The following RERE variants were observed in gnomAD, a reference collection of about 807,000 sequenced individuals.
The protein encoded by RERE is arginine-glutamic acid dipeptide repeats.
RERE carries 40 observed loss-of-function variants against 146.1 expected under a neutral mutation model. The observed-to-expected ratio is 0.27, with a 90% CI of 0.21 to 0.36. The LOEUF is 0.36. RERE is among the 10% of genes least tolerant of loss of function. The pLI is 1.00. For synonymous variants in RERE, 1,003 were observed against 866.0 expected (o/e 1.16, Z -2.78); for missense variants, 1,933 against 2,138.7 (o/e 0.90, Z 1.90).
intron 1 of RERE, among the ~76,000 whole-genome samples, chr1:8,806,403 C>A (rs1157036573): frequency 6.6e-6 from 1 of 151,862 alleles, no homozygotes; most frequent in South Asian, 2.1e-4. Context: ...TGGTGGTGAT[C>A]GCCTGTAACC....
chr1:8,672,258 C>CCT (rs1287835560), intron 1 of RERE, among the ~76,000 whole-genome samples: 1 of 152,068 alleles, frequency 6.6e-6, no homozygotes, highest in Admixed American at 6.6e-5. Context: ...ACTGCAGCCT[C>CCT]CATGTCCTAG....
chr1:8,529,176 TC>T (rs1645606914), intron 7 of RERE, among the ~76,000 whole-genome samples: 21 of 152,102 alleles, frequency 1.4e-4, no homozygotes, highest in Admixed American at 1.4e-3. Context: ...TGTACTAGTC[TC>T]ATAACTCCTC....
rs796853947 is a variant in RERE, at chr1:8,506,061, G to GA, written c.879+2565dup. On this transcript the variant is annotated intron_variant, in intron 8 of 22. Coordinates refer to ENST00000400908, the MANE Select transcript of RERE (RefSeq NM_001042681.2). ...GGAACTACATTTTCTTTTATGGTAGGAAAAAAAAAATCTATAAAATAAAAG... is the reference window on the plus strand; with the variant it reads ...GGAACTACATTTTCTTTTATGGTAGGAAAAAAAAAAATCTATAAAATAAAAG... 1.4e-3 allele frequency among the ~76,000 whole-genome samples: 210 copies of GA among 148,210 alleles called. 1 individual carries two copies. Among genetic ancestry groups the GA allele is most frequent in the African/African-American group, 2.7e-3 (110 of 40,368 alleles).
rs1353546522 is a variant in RERE at position 8,361,768 on chromosome 1, T to C, written c.2011A>G (p.Thr671Ala). ...ADRTSSKKTK[T>A]QEISRPNSPS... ...GGCTCAGCAGCAAACCTCACCTGCG[T>C]TTTTGTCTTCTTGGAGCTGGTCCTG... The change falls in exon 17 of 23, where the codon ACG becomes GCG. Residue 671 changes from threonine (T) to alanine (A), a missense_variant. By Grantham distance (58) the Thr-to-Ala change is moderately conservative. This residue lies in a region of RERE where 1,255 missense variants were observed against 1,153.8 expected (regional missense o/e 1.09). Coordinates refer to ENST00000400908, the MANE Select transcript of RERE (RefSeq NM_001042681.2). The C allele has an allele frequency of 6.2e-7, 1 of 1,612,302 alleles. No homozygotes were observed. Among genetic ancestry groups the C allele is most frequent in the Non-Finnish European group, 8.5e-7 (1 of 1,178,598 alleles).
intron 1 of RERE, among the ~76,000 whole-genome samples, chr1:8,664,518 A>G (rs1018555057): frequency 3.3e-5 from 5 of 152,066 alleles, no homozygotes; most frequent in African/African-American, 1.2e-4. Flanking sequence ...CTCTTCTTGG[A>G]TATCTCAAAG....
chr1:8,612,133 C>T (rs1342721314), intron 4 of RERE, among the ~76,000 whole-genome samples: 2 of 152,178 alleles, frequency 1.3e-5, no homozygotes, highest in East Asian at 1.9e-4. Flanking sequence ...AATTATGATG[C>T]AATCAATGCT....
rs551837321 is a variant in RERE, at chr1:8,747,346, A to G, written c.-145+69814T>C. Among the ~76,000 whole-genome samples the G allele has an allele frequency of 5.9e-5, 9 of 152,220 alleles. No individual in the cohort carries two copies. The East Asian group carries it at 1.5e-3, about 26-fold the overall frequency. ...ATCCTTAGGCTTGCTGTGTTGTGAA[A>G]ACAAATGGCATGGGGGTGGGCATGG... On this transcript the variant is annotated intron_variant, in intron 1 of 22. Transcript: ENST00000400908.
At chr1:8,744,955 CA>C (rs1557517168) in intron 1 of RERE, among the ~76,000 whole-genome samples, 1 of 152,146 alleles carries the variant, frequency 6.6e-6, no homozygotes, top group East Asian at 1.9e-4. Flanking sequence ...GCTGTAGATG[CA>C]GTTTATCCTA....
At chr1:8,450,231 C>G (rs1376087116) in intron 11 of RERE, among the ~76,000 whole-genome samples, 8 of 152,098 alleles carry the variant, frequency 5.3e-5, no homozygotes, top group Non-Finnish European at 5.9e-5. Flanking sequence ...GTCTTCCATT[C>G]ACAAAACTCT....
intron 12 of RERE, among the ~76,000 whole-genome samples, chr1:8,421,634 T>C (rs750666353): frequency 6.6e-6 from 1 of 152,142 alleles, no homozygotes; most frequent in South Asian, 2.1e-4. Flanking sequence ...CTTGAGGTAC[T>C]ATACAGTAAG....
intron 7 of RERE, among the ~76,000 whole-genome samples, chr1:8,521,176 C>CA (rs36115526): frequency 0.24 from 26,783 of 109,796 alleles, 3,407 homozygotes; most frequent in Middle Eastern, 0.35. Flanking sequence ...TTCTTTTTTT[C>CA]AAAAAAAAAA....
intron 10 of RERE, among the ~76,000 whole-genome samples, chr1:8,485,606 A>G (rs1043367449): frequency 7.2e-5 from 11 of 152,180 alleles, no homozygotes; most frequent in South Asian, 2.1e-4. Flanking sequence ...CTGTATTAAC[A>G]TTAGACAAAA....
intron 10 of RERE, among the ~76,000 whole-genome samples, chr1:8,470,813 C>CTTTTTTTTT (rs71580028): frequency 2.5e-4 from 19 of 74,564 alleles, no homozygotes; most frequent in East Asian, 4.5e-4. Flanking sequence ...AAAGAAATAC[C>CTTTTTTTTT]TTTTTTTTTT....
intron 7 of RERE, among the ~76,000 whole-genome samples, chr1:8,536,282 T>G (rs1444138906): frequency 1.3e-5 from 2 of 151,986 alleles, no homozygotes; most frequent in African/African-American, 2.4e-5. Context: ...AAGTGCATGC[T>G]TTACCCATGG....
chr1:8,487,677 T>C lies in RERE; in HGVS notation c.1104+7386A>G, dbSNP rs182782330. On this transcript the variant is annotated intron_variant, in intron 10 of 22. Transcript: ENST00000400908. ...CCACTCTCATCACTTCTATTCAGTA[T>C]TATAGCAGAGGTTCAAGGAAGTGCA... 9.9e-5 allele frequency among the ~76,000 whole-genome samples: 15 copies of C among 152,236 alleles called. 1 individual carries two copies. Among genetic ancestry groups the C allele is most frequent in the Admixed American group, 6.5e-4 (10 of 15,288 alleles).
intron 2 of RERE, among the ~76,000 whole-genome samples, chr1:8,642,054 CA>C (rs769041486): frequency 6.6e-6 from 1 of 151,926 alleles, no homozygotes; most frequent in African/African-American, 2.4e-5. Flanking sequence ...TTTTGGGGGT[CA>C]AAAAATCAGG....
intron 12 of RERE, among the ~76,000 whole-genome samples, chr1:8,412,884 AAGC>A (rs1478645538): frequency 2.6e-5 from 4 of 152,188 alleles, no homozygotes; most frequent in African/African-American, 9.7e-5. Context: ...GAGCATTTCA[AAGC>A]AGATCAGGTG....
At chr1:8,815,843 A>ATGTGTG (rs780581651) in intron 1 of RERE, among the ~76,000 whole-genome samples, 5 of 143,806 alleles carry the variant, frequency 3.5e-5, no homozygotes, top group African/African-American at 1.1e-4. Context: ...GTGTGTGTGT[A>ATGTGTG]TGTGTGTGTG....
At chr1:8,717,236 G>C (rs558166033) in intron 1 of RERE, among the ~76,000 whole-genome samples, 2 of 152,170 alleles carry the variant, frequency 1.3e-5, no homozygotes, top group South Asian at 4.1e-4. Context: ...TTGAAAAAGA[G>C]AGTAAGAATA....
Sources: allele counts gnomAD v4.1 joint callset (sites outside exome capture counted in the v4.1 genomes callset), GRCh38; gene constraint gnomAD v4.1.1; regional missense constraint gnomAD v4.1.1; transcripts MANE v1.5; gene names NCBI Gene and HGNC (gene_info 2026-07-23, HGNC 2026-07-21).